STAG1: variants seen among roughly 807,000 people sequenced by gnomAD.
STAG1 encodes the protein STAG1 cohesin complex component.
A neutral mutation model predicts 170.9 loss-of-function variants in STAG1; 26 were observed. The observed-to-expected ratio is 0.15, with a 90% confidence interval of 0.11 to 0.21. STAG1 has a LOEUF of 0.21. STAG1 is among the 10% of genes least tolerant of loss of function. The pLI is 1.00. For synonymous variants in STAG1, 514 were observed against 497.7 expected (o/e 1.03, Z -0.44); for missense variants, 964 against 1,509.5 (o/e 0.64, Z 5.99).
At chr3:136,655,367 A>G (rs1941339724) in intron 1 of STAG1, among the ~76,000 whole-genome samples, 1 of 152,266 alleles carries the variant, frequency 6.6e-6, no homozygotes, top group African/African-American at 2.4e-5. Context: ...ATGGCCAGTA[A>G]GCACGTGAAA....
chr3:136,467,712 C>T (rs1410136214), intron 12 of STAG1, among the ~76,000 whole-genome samples: 1 of 152,118 alleles, frequency 6.6e-6, no homozygotes, highest in African/African-American at 2.4e-5. Flanking sequence ...ATACATTCTT[C>T]TCAGCACCAC....
chr3:136,714,993 T>TTA (rs1359466713), intron 1 of STAG1, among the ~76,000 whole-genome samples: 8 of 110,790 alleles, frequency 7.2e-5, no homozygotes, highest in African/African-American at 2.1e-4. Context: ...TATATATATT[T>TTA]TATATATATA....
intron 4 of STAG1, chr3:136,591,587 G>C: frequency 2.4e-6 from 1 of 419,566 alleles, no homozygotes; most frequent in Non-Finnish European, 4.7e-6. Context: ...TGTTAAGTGA[G>C]AAGCAAAGCA....
chr3:136,537,746 T>G (rs1935707816), intron 6 of STAG1, among the ~76,000 whole-genome samples: 1 of 152,088 alleles, frequency 6.6e-6, no homozygotes, highest in African/African-American at 2.4e-5. Context: ...TCCACCCACT[T>G]CAGACTCTCA....
chr3:136,655,019 C>T (rs1164883236), intron 1 of STAG1, among the ~76,000 whole-genome samples: 7 of 152,092 alleles, frequency 4.6e-5, no homozygotes, highest in Admixed American at 4.6e-4. Context: ...AATGTATGAC[C>T]TAAAATTATA....
In STAG1 at chr3:136,473,819, T is replaced by A. The variant is rs528686961; in HGVS notation, c.1027-182A>T. Among the ~76,000 whole-genome samples, 17 of 150,148 alleles carry A rather than the reference T, an allele frequency of 1.1e-4. No individual in the cohort carries two copies. The South Asian group carries it at 1.7e-3, about 15-fold the overall frequency. ...CCTTATATGTAAAAAAAAAAAAAAATTCACTGAAAAGACCTTAGTTACTTG... is the reference window on the plus strand; with the variant it reads ...CCTTATATGTAAAAAAAAAAAAAAAATCACTGAAAAGACCTTAGTTACTTG... On this transcript the variant is annotated intron_variant, in intron 10 of 33. Coordinates refer to ENST00000383202, the MANE Select transcript of STAG1 (RefSeq NM_005862.3).
intron 5 of STAG1, among the ~76,000 whole-genome samples, chr3:136,547,232 C>T (rs1936192158): frequency 1.3e-5 from 2 of 152,154 alleles, no homozygotes; most frequent in African/African-American, 4.8e-5. Context: ...TTATTGTTAA[C>T]ACCTAACATT....
At chr3:136,680,661 C>T (rs1942302441) in intron 1 of STAG1, among the ~76,000 whole-genome samples, 1 of 151,512 alleles carries the variant, frequency 6.6e-6, no homozygotes, top group African/African-American at 2.4e-5. Context: ...GCAGATACAT[C>T]AAGATATAAA....
At chr3:136,695,436 C>CAA (rs757572153) in intron 1 of STAG1, among the ~76,000 whole-genome samples, 1 of 114,474 alleles carries the variant, frequency 8.7e-6, no homozygotes, top group Admixed American at 9.1e-5. Flanking sequence ...GACTCTGTCT[C>CAA]AAAAAAAAAA....
chr3:136,429,234 C>A (rs181062315), intron 16 of STAG1, among the ~76,000 whole-genome samples: 1 of 152,310 alleles, frequency 6.6e-6, no homozygotes, highest in East Asian at 1.9e-4. Context: ...TGGCGAAACC[C>A]TGTGTCTACT....
intron 25 of STAG1, among the ~76,000 whole-genome samples, chr3:136,366,582 T>C (rs541188382): frequency 6.6e-6 from 1 of 152,252 alleles, no homozygotes; most frequent in Non-Finnish European, 1.5e-5. Flanking sequence ...AAAGAGAACA[T>C]TCTCTCTGAC....
intron 13 of STAG1, among the ~76,000 whole-genome samples, chr3:136,457,755 A>G (rs1183842161): frequency 6.6e-6 from 1 of 152,158 alleles, no homozygotes; most frequent in Non-Finnish European, 1.5e-5. Context: ...GCAGCAAGTA[A>G]ATGACTTATA....
intron 1 of STAG1, among the ~76,000 whole-genome samples, chr3:136,641,167 C>T (rs905427169): frequency 6.6e-6 from 1 of 152,090 alleles, no homozygotes; most frequent in African/African-American, 2.4e-5. Flanking sequence ...GAGAAAGATT[C>T]TTCTTCAAGT....
chr3:136,440,216 C>CA (rs1206451083), intron 15 of STAG1, among the ~76,000 whole-genome samples: 4 of 152,142 alleles, frequency 2.6e-5, no homozygotes, highest in Non-Finnish European at 5.9e-5. Context: ...TGGCTTACTG[C>CA]AAGCTCTGCC....
intron 22 of STAG1, among the ~76,000 whole-genome samples, chr3:136,380,152 G>C (rs1271814622): frequency 3.9e-5 from 6 of 152,092 alleles, no homozygotes; most frequent in South Asian, 2.1e-4. Context: ...CTAAGTGACA[G>C]AGCAAGGATT....
chr3:136,421,991 T>C (rs1341469364), intron 19 of STAG1, among the ~76,000 whole-genome samples: 1 of 151,338 alleles, frequency 6.6e-6, no homozygotes, highest in Non-Finnish European at 1.5e-5. Flanking sequence ...CTACTAAAAA[T>C]AAAAAAACAG....
intron 22 of STAG1, among the ~76,000 whole-genome samples, chr3:136,392,903 T>C (rs549624799): frequency 6.6e-6 from 1 of 152,216 alleles, no homozygotes; most frequent in African/African-American, 2.4e-5. Flanking sequence ...TATGCTGAAG[T>C]AGGAGAGCTC....
chr3:136,630,200 A>T (rs921172183), intron 2 of STAG1, among the ~76,000 whole-genome samples: 2 of 152,162 alleles, frequency 1.3e-5, no homozygotes, highest in Non-Finnish European at 2.9e-5. Context: ...ATCTCAAAAG[A>T]AAATAAAAAT....
chr3:136,511,082 C>T (rs773602618), intron 7 of STAG1, among the ~76,000 whole-genome samples: 5 of 152,140 alleles, frequency 3.3e-5, no homozygotes, highest in Admixed American at 6.5e-5. Flanking sequence ...TGAGATCTGA[C>T]GGTTTTATAC....
Sources: gnomAD v4.1 joint callset for allele counts (sites outside exome capture counted in the v4.1 genomes callset) on GRCh38, gnomAD v4.1.1 for gene constraint, MANE v1.5 for transcripts, NCBI Gene and HGNC (gene_info 2026-07-23, HGNC 2026-07-21) for gene names.